Variants in PDGFRL observed in about 807,000 individuals in gnomAD.
The protein encoded by PDGFRL is platelet derived growth factor receptor like, also known as platelet-derived growth factor receptor-like protein.
In PDGFRL, 46 loss-of-function variants were observed where a neutral mutation model predicts 37.2. That is an observed-to-expected ratio of 1.24 (90% CI 0.98 to 1.58). The LOEUF is 1.58. PDGFRL is among the 40% of genes most tolerant of loss of function. The probability of loss-of-function intolerance (pLI) is 0.00; values close to 1 mark genes in which losing one functional copy is unlikely to be tolerated. For synonymous variants in PDGFRL, 251 were observed against 184.3 expected (o/e 1.36, Z -2.93); for missense variants, 692 against 467.6 (o/e 1.48, Z -4.43).
chr8:17,603,127 C>G lies in PDGFRL; in HGVS notation c.353+13362C>G, dbSNP rs536602261. 5.9e-5 allele frequency among the ~76,000 whole-genome samples: 9 copies of G among 152,246 alleles called. No individual in the cohort carries two copies. The South Asian group carries it at 1.5e-3, about 25-fold the overall frequency. ...CCTCTCAAGTAGCTGAGGTTACAGGCGTGCGCCACCAAGCTTGGCTAATTT... is the reference window on the plus strand; with the variant it reads ...CCTCTCAAGTAGCTGAGGTTACAGGGGTGCGCCACCAAGCTTGGCTAATTT... On this transcript the variant is annotated intron_variant, in intron 2 of 5. Coordinates refer to ENST00000251630, the MANE Select transcript of PDGFRL (RefSeq NM_001372073.1).
intron 1 of PDGFRL, among the ~76,000 whole-genome samples, chr8:17,581,654 A>G (rs1803710037): frequency 6.6e-6 from 1 of 152,040 alleles, no homozygotes; most frequent in Non-Finnish European, 1.5e-5. Context: ...CTTGTTAAAG[A>G]GAGTCTGGTC....
In PDGFRL at chr8:17,628,626, G is replaced by C; in HGVS notation, c.645G>C (p.Glu215Asp). ...TCCACAGGGAATTCCCAGCCAAGGA[G>C]ATCCCAGCCAATGGAACGGACATTG... ...VTLHREFPAK[E>D]IPANGTDIVY... The change falls in exon 4 of 6, where the codon GAG (glutamate) becomes GAC (aspartate). Residue 215 changes from glutamate to aspartate, a missense_variant. Transcript: ENST00000251630. 6.2e-7 allele frequency: 1 copy of C among 1,614,210 alleles called. No homozygotes were observed. Among genetic ancestry groups the C allele is most frequent in the Non-Finnish European group, 8.5e-7 (1 of 1,180,026 alleles).
intron 2 of PDGFRL, among the ~76,000 whole-genome samples, chr8:17,618,830 G>C (rs111657299): frequency 0.016 from 2,504 of 152,256 alleles, 64 homozygotes; most frequent in African/African-American, 0.057. Flanking sequence ...CTAGTGTAAT[G>C]ACAGGAAGCC....
At chr8:17,587,054 CAGTT>C (rs1489856985) in intron 1 of PDGFRL, among the ~76,000 whole-genome samples, 2 of 152,074 alleles carry the variant, frequency 1.3e-5, no homozygotes, top group Non-Finnish European at 1.5e-5. Context: ...TTCTTTTAAA[CAGTT>C]AGACATGGGA....
intron 1 of PDGFRL, among the ~76,000 whole-genome samples, chr8:17,583,070 C>G (rs2720566): frequency 0.12 from 18,383 of 152,162 alleles, 1,216 homozygotes; most frequent in East Asian, 0.21. Flanking sequence ...ATAAATAAAC[C>G]TTGGAGGCTT....
rs138771477 is a variant in PDGFRL at position 17,581,149 on chromosome 8, G to A, written c.55+3842G>A. Among the ~76,000 whole-genome samples, 447 of 152,264 alleles carry A rather than the reference G, an allele frequency of 2.9e-3. 1 individual carries two copies. Among genetic ancestry groups the A allele is most frequent in the Admixed American group, 5.2e-3 (80 of 15,302 alleles). On this transcript the variant is annotated intron_variant, in intron 1 of 5. Coordinates refer to ENST00000251630, the MANE Select transcript of PDGFRL (RefSeq NM_001372073.1). ...CACAATTCAACCAGTAAGACAGGGT[G>A]AGACATGGAGAGGACTGAGGCGGGG... is the stretch of plus-strand genomic sequence containing the variant.
intron 4 of PDGFRL, among the ~76,000 whole-genome samples, chr8:17,629,447 G>C (rs946519691): frequency 3.9e-5 from 6 of 152,006 alleles, no homozygotes; most frequent in East Asian, 1.9e-4. Context: ...ACCCAAATCT[G>C]CTGTCTCCTA....
chr8:17,582,103 T>C (rs1440448283), intron 1 of PDGFRL, among the ~76,000 whole-genome samples: 1 of 152,176 alleles, frequency 6.6e-6, no homozygotes, highest in African/African-American at 2.4e-5. Context: ...AGGTCTGAAA[T>C]GGAAACAGAT....
intron 5 of PDGFRL, among the ~76,000 whole-genome samples, chr8:17,638,707 T>C (rs1217373043): frequency 7.2e-6 from 1 of 138,560 alleles, no homozygotes; most frequent in East Asian, 2.2e-4. Flanking sequence ...CAGTAATTGT[T>C]TTATAAATTT....
At position 17,592,616 on chromosome 8, in the gene PDGFRL, C is replaced by T. The variant is rs564889848; in HGVS notation, c.353+2851C>T. ...TGAGATTCTCAAAAGCGCCAGGCTCCTGGGGACTTCGAGTTTGCTCTTTCA... is the reference window on the plus strand; with the variant it reads ...TGAGATTCTCAAAAGCGCCAGGCTCTTGGGGACTTCGAGTTTGCTCTTTCA... On this transcript the variant is annotated intron_variant, in intron 2 of 5. Transcript: ENST00000251630. Among the ~76,000 whole-genome samples, 265 of 152,282 alleles carry T rather than the reference C, an allele frequency of 1.7e-3. 1 individual carries two copies. Among genetic ancestry groups the T allele is most frequent in the Non-Finnish European group, 1.9e-3 (127 of 68,024 alleles).
At position 17,589,430 on chromosome 8, in the gene PDGFRL, A is replaced by G. The variant is rs898612205; in HGVS notation, c.56-38A>G. 8 of 1,489,382 alleles carry G rather than the reference A, an allele frequency of 5.4e-6. No homozygotes were observed. In the African/African-American group the frequency reaches 1.1e-4, roughly 21 times the overall value. 92.3% of individuals were successfully genotyped at this position (1,489,382 alleles called of 1,614,324 possible). A position where few individuals can be genotyped will look rare whatever the true frequency, so the allele number is the denominator to read the frequency against. Reference sequence around the variant, plus strand: ...TGGCCTCAAATATTCCAAAAATGTCATTACTACAGCGCATTTCTCTCTCCT... The same window carrying G: ...TGGCCTCAAATATTCCAAAAATGTCGTTACTACAGCGCATTTCTCTCTCCT... On this transcript the variant is annotated intron_variant, in intron 1 of 5. Transcript: ENST00000251630.
At chr8:17,598,463 A>G (rs1433226270) in intron 2 of PDGFRL, among the ~76,000 whole-genome samples, 1 of 152,238 alleles carries the variant, frequency 6.6e-6, no homozygotes, top group Admixed American at 6.5e-5. Flanking sequence ...ACCAGAGCTC[A>G]GGAAGTATGT....
intron 1 of PDGFRL, among the ~76,000 whole-genome samples, chr8:17,578,865 A>C (rs941229797): frequency 6.6e-6 from 1 of 152,238 alleles, no homozygotes; most frequent in Non-Finnish European, 1.5e-5. Context: ...AATAGTTCAT[A>C]AATTTTAGGT....
chr8:17,604,761 G>C (rs1321491227), intron 2 of PDGFRL, among the ~76,000 whole-genome samples: 1 of 152,224 alleles, frequency 6.6e-6, no homozygotes, highest in East Asian at 1.9e-4. Context: ...AAAAAATTTA[G>C]AGCAAAATTT....
chr8:17,593,435 C>CG (rs1208677198), intron 2 of PDGFRL, among the ~76,000 whole-genome samples: 1 of 26,772 alleles, frequency 3.7e-5, no homozygotes, highest in East Asian at 1.9e-3. Flanking sequence ...ACTAAAAATA[C>CG]GGAAAAAAAA....
chr8:17,591,692 G>T (rs1403493047), intron 2 of PDGFRL, among the ~76,000 whole-genome samples: 1 of 152,208 alleles, frequency 6.6e-6, no homozygotes, highest in Non-Finnish European at 1.5e-5. Flanking sequence ...AAGGCGGGCG[G>T]ATCGTCATGA....
intron 5 of PDGFRL, among the ~76,000 whole-genome samples, chr8:17,637,405 C>T (rs1046873877): frequency 2.6e-5 from 4 of 152,018 alleles, no homozygotes; most frequent in Non-Finnish European, 4.4e-5. Flanking sequence ...TGTTAAACCA[C>T]CCCAGTATGA....
At position 17,642,835 on chromosome 8, in the gene PDGFRL, GC is replaced by G. The variant is rs1430141836; in HGVS notation, c.*37del. 2.1e-6 allele frequency: 3 copies of G among 1,404,268 alleles called. No individual in the cohort carries two copies. The highest frequency in any genetic ancestry group is 3.0e-6 in the Non-Finnish European group (3 of 993,926). 87.0% of individuals were successfully genotyped at this position (1,404,268 alleles called of 1,614,324 possible). Reference sequence around the variant, plus strand: ...AGGAAATGTAATGAACTTATGGAAAGCCCATTTGTGTACACAGTCAGCTTTG... The same window carrying G: ...AGGAAATGTAATGAACTTATGGAAAGCCATTTGTGTACACAGTCAGCTTTG... On this transcript the variant is annotated 3_prime_UTR_variant, in exon 6 of 6. Transcript: ENST00000251630.
chr8:17,599,042 T>A (rs943615936), intron 2 of PDGFRL, among the ~76,000 whole-genome samples: 2 of 152,252 alleles, frequency 1.3e-5, no homozygotes, highest in African/African-American at 4.8e-5. Context: ...ATACAGAACC[T>A]ATTGTTACTT....
Sources: allele counts gnomAD v4.1 joint callset (sites outside exome capture counted in the v4.1 genomes callset), GRCh38; gene constraint gnomAD v4.1.1; transcripts MANE v1.5; gene names NCBI Gene and HGNC (gene_info 2026-07-23, HGNC 2026-07-21).